Variants in ADD1 observed in about 807,000 individuals in gnomAD.
ADD1 encodes adducin 1.
Under a neutral mutation model 80.5 loss-of-function variants are expected in ADD1, and 24 were observed. The ratio of observed to expected loss-of-function variants is 0.30; its 90% CI spans 0.22 to 0.42. ADD1 has a LOEUF of 0.42. Ranked by LOEUF, ADD1 falls within the 10% of genes least tolerant of loss-of-function variation. The pLI is 1.00. For synonymous variants in ADD1, 373 were observed against 393.8 expected (o/e 0.95, Z 0.63); for missense variants, 948 against 1,019.0 (o/e 0.93, Z 0.95).
chr4:2,928,503 A>C lies in ADD1; in HGVS notation c.2380A>C (p.Lys794Gln). ...TACCCCGTCCTTTCTGAAGAAGAGC[A>C]AGAAGAAGAGTGACTCCTGAAAGCC... ...FRTPSFLKKS[K>Q]KKSDS is the part of the protein sequence containing the mutation. The change falls in exon 16 of 16, where the codon AAG becomes CAG. Residue 794 changes from lysine (K) to glutamine (Q), a missense_variant. Coordinates refer to ENST00000683351, the MANE Select transcript of ADD1 (RefSeq NM_001354761.2). 1 of 1,613,322 alleles carries C rather than the reference A, an allele frequency of 6.2e-7. No homozygotes were observed. Among genetic ancestry groups the C allele is most frequent in the Non-Finnish European group, 8.5e-7 (1 of 1,179,798 alleles).
In ADD1 at chr4:2,926,431, C is replaced by A; in HGVS notation, c.2047+319C>A. On this transcript the variant is annotated intron_variant, in intron 15 of 15. Transcript: ENST00000683351. This position sits in a 1 kb window ranked among gnomAD's most constrained non-coding sequence, Gnocchi z 5.0. ...CATGCAGATGCCACCTTCGGAGGTGCCCTCCGCTGTGTGAGCCACACGCCG... is the reference window on the plus strand; with the variant it reads ...CATGCAGATGCCACCTTCGGAGGTGACCTCCGCTGTGTGAGCCACACGCCG... 1 of 690,872 alleles carries A rather than the reference C, an allele frequency of 1.4e-6. No homozygotes were observed. The highest frequency in any genetic ancestry group is 2.6e-6 in the Non-Finnish European group (1 of 380,598). The allele number at this position is 690,872 out of a possible 1,614,324, so 42.8% of individuals were successfully genotyped here.
chr4:2,872,460 T>C (rs1730600017), intron 1 of ADD1, among the ~76,000 whole-genome samples: 1 of 152,256 alleles, frequency 6.6e-6, no homozygotes, highest in Non-Finnish European at 1.5e-5. Flanking sequence ...ATAAGAAATA[T>C]AGTTTGCCAC....
intron 14 of ADD1, among the ~76,000 whole-genome samples, chr4:2,925,617 C>G (rs1057373721): frequency 6.6e-6 from 1 of 152,150 alleles, no homozygotes; most frequent in Non-Finnish European, 1.5e-5. Flanking sequence ...CATGTGATGT[C>G]CCTTAAGGTG....
At chr4:2,865,825 T>C (rs1729463223) in intron 1 of ADD1, among the ~76,000 whole-genome samples, 1 of 152,146 alleles carries the variant, frequency 6.6e-6, no homozygotes, top group Non-Finnish European at 1.5e-5. Context: ...AGTTAAAAAA[T>C]TAAAATATTA....
intron 1 of ADD1, among the ~76,000 whole-genome samples, chr4:2,851,638 G>T (rs1407529771): frequency 6.6e-6 from 1 of 152,156 alleles, no homozygotes; most frequent in East Asian, 1.9e-4. Context: ...CAACCTTGTT[G>T]CCAGATGATA....
rs550930240 is a variant in ADD1, at chr4:2,886,733, T to C, written c.510+2067T>C. On this transcript the variant is annotated intron_variant, in intron 4 of 15. Coordinates refer to ENST00000683351, the MANE Select transcript of ADD1 (RefSeq NM_001354761.2). ...AGTGAAATTGTGAACAAGAGCTCGC[T>C]GGGACCTTTTGACATTTGATTGGTG... Among the ~76,000 whole-genome samples, 6 of 152,348 alleles carry C rather than the reference T, an allele frequency of 3.9e-5. No homozygotes were observed. In the East Asian group the frequency reaches 7.7e-4, roughly 20 times the overall value.
chr4:2,865,053 C>A (rs1414271330), intron 1 of ADD1, among the ~76,000 whole-genome samples: 1 of 152,168 alleles, frequency 6.6e-6, no homozygotes, highest in African/African-American at 2.4e-5. Flanking sequence ...AAGTAAATCA[C>A]CATTGTAAGT....
chr4:2,912,838 C>G (rs1419601097), intron 13 of ADD1, among the ~76,000 whole-genome samples: 4 of 151,828 alleles, frequency 2.6e-5, no homozygotes, highest in South Asian at 2.1e-4. Context: ...ATAGTTTATT[C>G]TTTGTTTGTT....
intron 14 of ADD1, among the ~76,000 whole-genome samples, chr4:2,920,781 CTT>C (rs3034863): frequency 0.48 from 72,332 of 151,440 alleles, 17,631 homozygotes; most frequent in South Asian, 0.67. Flanking sequence ...GGTCTTGACT[CTT>C]TATCCAGTTT....
intron 14 of ADD1, among the ~76,000 whole-genome samples, chr4:2,917,183 C>G (rs1462858751): frequency 1.3e-5 from 2 of 152,246 alleles, no homozygotes; most frequent in Admixed American, 6.5e-5. Flanking sequence ...TCTCCACATC[C>G]TCTCCAGCTT....
At chr4:2,880,370 T>C (rs1265228024) in intron 2 of ADD1, among the ~76,000 whole-genome samples, 2 of 151,574 alleles carry the variant, frequency 1.3e-5, no homozygotes, top group Non-Finnish European at 2.9e-5. Flanking sequence ...AGTGACAAAC[T>C]AGAAGTAAAT....
At chr4:2,845,464 T>C (rs1156536521) in intron 1 of ADD1, among the ~76,000 whole-genome samples, 1 of 152,200 alleles carries the variant, frequency 6.6e-6, no homozygotes, top group Non-Finnish European at 1.5e-5. Flanking sequence ...ATTTGGGCAG[T>C]CAAAACTGCT....
intron 1 of ADD1, among the ~76,000 whole-genome samples, chr4:2,847,124 A>T (rs1726350168): frequency 6.6e-6 from 1 of 151,928 alleles, no homozygotes; most frequent in African/African-American, 2.4e-5. Context: ...GTCTCAAAAA[A>T]ACAAAAACAA....
chr4:2,915,228 C>T (rs1419519461), intron 14 of ADD1, among the ~76,000 whole-genome samples, 188 bp downstream of exon 14: 5 of 152,194 alleles, frequency 3.3e-5, no homozygotes, highest in South Asian at 2.1e-4. Context: ...AATTGCTGGC[C>T]GGGCACAGTG....
At chr4:2,890,178 A>T (rs1266289887) in intron 4 of ADD1, among the ~76,000 whole-genome samples, 1 of 150,564 alleles carries the variant, frequency 6.6e-6, no homozygotes, top group Non-Finnish European at 1.5e-5. Context: ...TGGGCGACAG[A>T]GTGAGACTCC....
At position 2,893,027 on chromosome 4, in the gene ADD1, G is replaced by A. The variant is rs933379339; in HGVS notation, c.511-986G>A. Among the ~76,000 whole-genome samples, 6 of 151,918 alleles carry A rather than the reference G, an allele frequency of 3.9e-5. No homozygotes were observed. The South Asian group carries it at 1.0e-3, about 26-fold the overall frequency. The stretch of plus-strand genomic sequence containing the variant: ...GCCTCCTGGGTTCCAAGTGATTCTC[G>A]TGCCTCAGCCACCTGAGTGTCTGGG... On this transcript the variant is annotated intron_variant, in intron 4 of 15. Coordinates refer to ENST00000683351, the MANE Select transcript of ADD1 (RefSeq NM_001354761.2).
At chr4:2,908,230 A>G (rs1314182641) in intron 11 of ADD1, among the ~76,000 whole-genome samples, 2 of 152,260 alleles carry the variant, frequency 1.3e-5, no homozygotes, top group African/African-American at 4.8e-5. Flanking sequence ...ATGGACATGC[A>G]GCGAGTGTTT....
chr4:2,912,231 C>T (rs999249467), intron 13 of ADD1, among the ~76,000 whole-genome samples: 1 of 152,220 alleles, frequency 6.6e-6, no homozygotes, highest in African/African-American at 2.4e-5. Context: ...GGAAGCTAGG[C>T]ACATCTTGGT....
At chr4:2,918,443 A>G (rs976160083) in intron 14 of ADD1, among the ~76,000 whole-genome samples, 2 of 152,216 alleles carry the variant, frequency 1.3e-5, no homozygotes, top group East Asian at 1.9e-4. Context: ...CAAATATACA[A>G]TCATGTCATC....
Sources: gnomAD v4.1 joint callset for allele counts (sites outside exome capture counted in the v4.1 genomes callset) on GRCh38, gnomAD v4.1.1 for gene constraint, Gnocchi (gnomAD v3.1) non-coding constraint, MANE v1.5 for transcripts, NCBI Gene and HGNC (gene_info 2026-07-23, HGNC 2026-07-21) for gene names.